PLXNA4: variants seen among roughly 807,000 people sequenced by gnomAD.
PLXNA4 encodes plexin A4, also known as plexin-A4.
In PLXNA4, 44 loss-of-function variants were observed where a neutral mutation model predicts 191.8. The observed-to-expected ratio is 0.23, with a 90% confidence interval of 0.18 to 0.29. The LOEUF (loss-of-function observed/expected upper bound fraction) is 0.29, where lower values mean the gene tolerates loss of function less well. Among genes scored for constraint, PLXNA4 ranks in the 10% least tolerant of loss-of-function variants. The pLI is 1.00. For missense variants in PLXNA4, 1,800 were observed against 2,488.8 expected (o/e 0.72, Z 5.89); for synonymous variants, 1,082 against 1,009.5 (o/e 1.07, Z -1.36).
rs1035183578 is a variant in PLXNA4, at chr7:132,286,260, T to A, written c.1503+11831A>T. The stretch of plus-strand genomic sequence containing the variant: ...TCTGTGTGGGGCATGCAGTGGGCGC[T>A]TACTAAACAGACATGGTGGGACAGG... On this transcript the variant is annotated intron_variant, in intron 4 of 31. Coordinates refer to ENST00000321063, the MANE Select transcript of PLXNA4 (RefSeq NM_020911.2). Among the ~76,000 whole-genome samples the A allele has an allele frequency of 3.9e-5, 6 of 152,282 alleles. No homozygotes were observed. The East Asian group carries it at 1.2e-3, about 29-fold the overall frequency.
chr7:132,584,383 G>A (rs76303983), intron 2 of PLXNA4, among the ~76,000 whole-genome samples: 1,827 of 152,310 alleles, frequency 0.012, 41 homozygotes, highest in African/African-American at 0.041. Context: ...ACCCATGGGT[G>A]TGTAGGAAGC....
At chr7:132,172,871 C>T (rs887548603) in intron 21 of PLXNA4, among the ~76,000 whole-genome samples, 3 of 152,112 alleles carry the variant, frequency 2.0e-5, no homozygotes, top group African/African-American at 4.8e-5. Context: ...ATCCTCATTG[C>T]ATTCTTATTT....
chr7:132,549,771 GTTGTTTGT>G (rs10591448), intron 1 of PLXNA4, among the ~76,000 whole-genome samples: 28 of 151,672 alleles, frequency 1.8e-4, no homozygotes, highest in East Asian at 3.9e-4. Context: ...CTTGGGGTGA[GTTGTTTGT>G]TTGTTTGTTT....
intron 4 of PLXNA4, among the ~76,000 whole-genome samples, chr7:132,275,669 G>A: frequency 6.6e-6 from 1 of 152,116 alleles, no homozygotes; most frequent in African/African-American, 2.4e-5. Context: ...CTCTCCTTTT[G>A]CATGCCTCCC....
chr7:132,563,339 CTCCTCCTCTTT>C, intron 1 of PLXNA4, among the ~76,000 whole-genome samples: 3 of 112,796 alleles, frequency 2.7e-5, no homozygotes, highest in African/African-American at 7.4e-5. Context: ...CCTCCTCCTT[CTCCTCCTCTTT>C]CTCCTCCTTC....
intron 2 of PLXNA4, among the ~76,000 whole-genome samples, chr7:132,619,159 G>A (rs920911058): frequency 1.3e-5 from 2 of 152,104 alleles, no homozygotes; most frequent in Non-Finnish European, 2.9e-5. Flanking sequence ...TGAATCCTTA[G>A]GAAAAAGAAC....
intron 3 of PLXNA4, chr7:132,384,479 C>G (rs1027226330): frequency 1.0e-6 from 1 of 985,696 alleles, no homozygotes; most frequent in Non-Finnish European, 1.2e-6. Flanking sequence ...GCAGGAGACA[C>G]TGCTCACGCT....
chr7:132,305,050 T>C (rs1241810749), intron 3 of PLXNA4, among the ~76,000 whole-genome samples: 6 of 152,134 alleles, frequency 3.9e-5, no homozygotes, highest in Non-Finnish European at 7.3e-5. Context: ...GTACCCCTGC[T>C]CGTGGGAGGG....
chr7:132,404,599 G>C (rs1794133533), intron 3 of PLXNA4, among the ~76,000 whole-genome samples: 1 of 152,220 alleles, frequency 6.6e-6, no homozygotes, highest in Non-Finnish European at 1.5e-5. Context: ...CTACAGGGTA[G>C]TGATTAAGAA....
rs542037715 is a variant in PLXNA4, at chr7:132,471,134, G to T, written c.1371+18158C>A. On this transcript the variant is annotated intron_variant, in intron 3 of 31. Transcript: ENST00000321063. The stretch of plus-strand genomic sequence containing the variant: ...AGATTTTGTTGTTTAAAGGTGTGTG[G>T]CACCTCCCCCATCTCTTGCTGCTGC... Among the ~76,000 whole-genome samples, 3 of 152,170 alleles carry T rather than the reference G, an allele frequency of 2.0e-5. No homozygotes were observed. The South Asian group carries it at 6.2e-4, about 32-fold the overall frequency.
intron 5 of PLXNA4, among the ~76,000 whole-genome samples, chr7:132,235,306 T>C (rs983611710): frequency 6.6e-6 from 1 of 152,214 alleles, no homozygotes; most frequent in Admixed American, 6.5e-5. Context: ...TTTCATAGCA[T>C]GGCTATGAAA....
intron 2 of PLXNA4, among the ~76,000 whole-genome samples, chr7:132,506,885 T>C (rs1254623178): frequency 6.6e-6 from 1 of 152,200 alleles, no homozygotes; most frequent in East Asian, 1.9e-4. Flanking sequence ...ATAAACACAA[T>C]TTGTCCCTTC....
chr7:132,558,398 C>T (rs972117223), intron 1 of PLXNA4, among the ~76,000 whole-genome samples: 5 of 152,154 alleles, frequency 3.3e-5, no homozygotes, highest in African/African-American at 9.7e-5. Flanking sequence ...TGAGCATCAT[C>T]AAATTAAAAC....
intron 3 of PLXNA4, among the ~76,000 whole-genome samples, chr7:132,423,047 G>C (rs543560874): frequency 6.6e-6 from 1 of 152,124 alleles, no homozygotes; most frequent in Non-Finnish European, 1.5e-5. Flanking sequence ...TCCCTGCCCC[G>C]CTAGCCCCTT....
chr7:132,594,643 TCA>T (rs1437913954), intron 2 of PLXNA4, among the ~76,000 whole-genome samples: 2 of 152,188 alleles, frequency 1.3e-5, no homozygotes, highest in Non-Finnish European at 2.9e-5. Context: ...CCTCCAGCTC[TCA>T]CTCTCTAAAT....
chr7:132,393,132 T>G (rs1330071484), intron 3 of PLXNA4, among the ~76,000 whole-genome samples: 2 of 152,054 alleles, frequency 1.3e-5, no homozygotes, highest in Admixed American at 6.5e-5. Flanking sequence ...AAATGTTCAC[T>G]TATCCTCCAA....
upstream of PLXNA4, among the ~76,000 whole-genome samples, chr7:132,579,438 C>CGTGTGT (rs113591004): frequency 6.1e-3 from 885 of 145,468 alleles, 6 homozygotes; most frequent in Middle Eastern, 0.038. Flanking sequence ...TGTGTGTGTG[C>CGTGTGT]GTGTGTGTGT....
At chr7:132,587,232 G>C (rs916462967) in intron 2 of PLXNA4, among the ~76,000 whole-genome samples, 2 of 152,146 alleles carry the variant, frequency 1.3e-5, no homozygotes, top group Non-Finnish European at 2.9e-5. Flanking sequence ...GAGAAGTAAG[G>C]CTCAAGGGAA....
intron 4 of PLXNA4, among the ~76,000 whole-genome samples, chr7:132,259,718 G>A (rs138491615): frequency 1.6e-4 from 25 of 152,122 alleles, no homozygotes; most frequent in Admixed American, 3.9e-4. Context: ...ACTTGGAAGC[G>A]AACAAGGTGC....
Sources: allele counts gnomAD v4.1 joint callset (sites outside exome capture counted in the v4.1 genomes callset), GRCh38; gene constraint gnomAD v4.1.1; transcripts MANE v1.5; gene names NCBI Gene and HGNC (gene_info 2026-07-23, HGNC 2026-07-21).